Variants in ALOX5 observed in about 807,000 individuals in gnomAD.
ALOX5 encodes polyunsaturated fatty acid 5-lipoxygenase.
A neutral mutation model predicts 87.9 loss-of-function variants in ALOX5; 64 were observed. The observed-to-expected ratio is 0.73, with a 90% confidence interval of 0.60 to 0.90. The LOEUF is 0.90. Ranked by LOEUF, ALOX5 falls within the 40% of genes least tolerant of loss-of-function variation. The probability of loss-of-function intolerance (pLI) is 0.00; values close to 1 mark genes in which losing one functional copy is unlikely to be tolerated. For missense variants in ALOX5, 822 were observed against 907.5 expected, an observed-to-expected ratio of 0.91 and a Z score of 1.21; for synonymous variants, 388 against 355.1, an observed-to-expected ratio of 1.09 and a Z score of -1.04.
intron 7 of ALOX5, among the ~76,000 whole-genome samples, chr10:45,437,188 A>C (rs1157513537): frequency 6.6e-6 from 1 of 152,224 alleles, no homozygotes; most frequent in Admixed American, 6.5e-5. Context: ...CCCCGTCTCA[A>C]TTAAAAATAC....
intron 7 of ALOX5, 67 bp downstream of exon 7, chr10:45,428,831 C>T (rs1221468448): frequency 6.3e-7 from 1 of 1,580,374 alleles, no homozygotes; most frequent in Non-Finnish European, 8.6e-7. Context: ...TCCTGGGTGG[C>T]TCCATTCACA....
At chr10:45,442,961 G>A (rs1842286034) in intron 9 of ALOX5, 77 bp from the exon 10 acceptor site, 13 of 1,490,224 alleles carry the variant, frequency 8.7e-6, no homozygotes, top group African/African-American at 1.4e-5. Context: ...CGCCTCCCCT[G>A]GCACATTTCC....
At chr10:45,440,100 C>T (rs1005237126) in intron 7 of ALOX5, among the ~76,000 whole-genome samples, 4 of 152,296 alleles carry the variant, frequency 2.6e-5, no homozygotes, top group African/African-American at 4.8e-5. Context: ...CCTCCCCCTC[C>T]GCTGCTGGGC....
At chr10:45,397,721 G>A (rs1035578870) in intron 3 of ALOX5, among the ~76,000 whole-genome samples, 1 of 151,766 alleles carries the variant, frequency 6.6e-6, no homozygotes, top group Non-Finnish European at 1.5e-5. Context: ...TGAAATAAAA[G>A]TAAGAAAAAG....
chr10:45,395,755 C>A, intron 2 of ALOX5, 100 bp from the exon 3 acceptor site: 1 of 997,752 alleles, frequency 1.0e-6, no homozygotes, highest in Non-Finnish European at 1.6e-6. Flanking sequence ...ACATAAAGCA[C>A]TCGGCATGGG....
intron 11 of ALOX5, 28 bp downstream of exon 11, chr10:45,443,565 C>A (rs776003557): frequency 6.2e-7 from 1 of 1,603,140 alleles, no homozygotes; most frequent in African/African-American, 1.3e-5. Context: ...TCTCCGGACC[C>A]GGCTCCCCCG....
Position 45,424,190 on chromosome 10 carries a change from G to A in ALOX5, c.661+43G>A, listed in dbSNP as rs1230413592. 2.0e-6 allele frequency: 3 copies of A among 1,498,340 alleles called. No homozygotes were observed. In the Admixed American group the frequency reaches 5.0e-5, roughly 25 times the overall value. The allele number at this position is 1,498,340 out of a possible 1,614,324, so 92.8% of individuals were successfully genotyped here. On this transcript the variant is annotated intron_variant, in intron 5 of 13. Coordinates refer to ENST00000374391, the MANE Select transcript of ALOX5 (RefSeq NM_000698.5). Reference sequence around the variant, plus strand: ...GGCCCAAGTGGTGCTGGGGACAGGGGATGCTGCTCTCCTGTCTGATACTTG... The same window carrying A: ...GGCCCAAGTGGTGCTGGGGACAGGGAATGCTGCTCTCCTGTCTGATACTTG...
intron 2 of ALOX5, among the ~76,000 whole-genome samples, chr10:45,383,822 GA>G (rs995591811): frequency 6.6e-6 from 1 of 151,818 alleles, no homozygotes; most frequent in Admixed American, 6.6e-5. Context: ...CTAATGACAG[GA>G]AAAAAAATCA....
In ALOX5 at chr10:45,425,677, G is replaced by A. The variant is rs920189456; in HGVS notation, c.834+545G>A. Among the ~76,000 whole-genome samples, 47 of 152,206 alleles carry A rather than the reference G, an allele frequency of 3.1e-4. 1 individual carries two copies. The highest frequency in any genetic ancestry group is 8.8e-5 in the Non-Finnish European group (6 of 68,038). On this transcript the variant is annotated intron_variant, in intron 6 of 13. Coordinates refer to ENST00000374391, the MANE Select transcript of ALOX5 (RefSeq NM_000698.5). The surrounding 1 kb of genome is among the most constrained non-coding windows in gnomAD (Gnocchi z 4.4). The stretch of plus-strand genomic sequence containing the variant: ...CTCAGCTGCCTCCGGCTGCAAGGCT[G>A]ACCTAGTCTTGAGACAGAAGAAGTT...
chr10:45,392,531 C>A (rs1277210267), intron 2 of ALOX5, among the ~76,000 whole-genome samples: 1 of 151,686 alleles, frequency 6.6e-6, no homozygotes, highest in Non-Finnish European at 1.5e-5. Flanking sequence ...AGAGTCATCA[C>A]CACTCCCTAA....
At chr10:45,389,793 C>T (rs1840144608) in intron 2 of ALOX5, among the ~76,000 whole-genome samples, 1 of 152,278 alleles carries the variant, frequency 6.6e-6, no homozygotes, top group East Asian at 1.9e-4. Context: ...AACTAATGAG[C>T]AAAATAACCA....
chr10:45,438,719 G>T (rs894169687), intron 7 of ALOX5, among the ~76,000 whole-genome samples: 1 of 152,236 alleles, frequency 6.6e-6, no homozygotes. Flanking sequence ...GCGTAGTTCT[G>T]TGAGAACCTG....
intron 7 of ALOX5, among the ~76,000 whole-genome samples, chr10:45,439,769 A>AG (rs1842169292): frequency 6.6e-6 from 1 of 152,174 alleles, no homozygotes; most frequent in South Asian, 2.1e-4. Context: ...AAAGAAAAAA[A>AG]CTCACCTTGT....
intron 3 of ALOX5, among the ~76,000 whole-genome samples, chr10:45,396,721 T>G (rs1046802735): frequency 2.6e-5 from 4 of 152,326 alleles, no homozygotes; most frequent in Non-Finnish European, 4.4e-5. Flanking sequence ...CCCAATTCAT[T>G]GTCTCATACC....
chr10:45,426,092 A>G (rs970921662), intron 6 of ALOX5, among the ~76,000 whole-genome samples: 3 of 152,184 alleles, frequency 2.0e-5, no homozygotes, highest in Admixed American at 6.5e-5. Flanking sequence ...GACAGTTACA[A>G]TCCCCCACAC....
At position 45,393,814 on chromosome 10, in the gene ALOX5, GACAA is replaced by G. The variant is rs535004855; in HGVS notation, c.350-2037_350-2034del. 1.7e-3 allele frequency among the ~76,000 whole-genome samples: 266 copies of G among 152,238 alleles called. 1 individual carries two copies. Among genetic ancestry groups the G allele is most frequent in the African/African-American group, 6.2e-3 (257 of 41,518 alleles). On this transcript the variant is annotated intron_variant, in intron 2 of 13. Transcript: ENST00000374391. ...CAAGCATTCTTATACACCAATAACAGACAAACAGAGAGCCAAATCAGGAGTGAAC... is the reference window on the plus strand; with the variant it reads ...CAAGCATTCTTATACACCAATAACAGACAGAGAGCCAAATCAGGAGTGAAC...
intron 3 of ALOX5, among the ~76,000 whole-genome samples, chr10:45,397,848 A>C (rs1255338466): frequency 1.3e-5 from 2 of 152,252 alleles, no homozygotes; most frequent in South Asian, 2.1e-4. Flanking sequence ...AGAAGATCTA[A>C]ATAGGTTGAA....
chr10:45,400,119 G>A (rs1180486671), intron 3 of ALOX5, among the ~76,000 whole-genome samples: 1 of 152,048 alleles, frequency 6.6e-6, no homozygotes, highest in Non-Finnish European at 1.5e-5. Context: ...ATATGACCCA[G>A]CAATTCTACT....
At chr10:45,419,926 G>C (rs557640478) in intron 4 of ALOX5, among the ~76,000 whole-genome samples, 6 of 152,300 alleles carry the variant, frequency 3.9e-5, no homozygotes, top group African/African-American at 1.4e-4. Context: ...TGATGGCGGA[G>C]GAAAGAGAGG....
Sources: allele counts gnomAD v4.1 joint callset (sites outside exome capture counted in the v4.1 genomes callset), GRCh38; gene constraint gnomAD v4.1.1; non-coding constraint Gnocchi (gnomAD v3.1); transcripts MANE v1.5; gene names NCBI Gene and HGNC (gene_info 2026-07-23, HGNC 2026-07-21).